The following TNKS2 variants were observed in gnomAD, a reference collection of about 807,000 sequenced individuals.
The protein encoded by TNKS2 is tankyrase 2, also known as poly [ADP-ribose] polymerase tankyrase-2.
Under a neutral mutation model 137.6 loss-of-function variants are expected in TNKS2, and 72 were observed. That is an observed-to-expected ratio of 0.52 (90% confidence interval 0.43 to 0.64). The LOEUF (loss-of-function observed/expected upper bound fraction) is 0.64, where lower values mean the gene tolerates loss of function less well. TNKS2 is among the 30% of genes least tolerant of loss of function. The pLI, the probability that TNKS2 is intolerant of heterozygous loss-of-function variation, is 0.00. For missense variants in TNKS2, 1,049 were observed against 1,410.2 expected (o/e 0.74, Z 4.10); for synonymous variants, 516 against 512.1 (o/e 1.01, Z -0.10).
At chr10:91,834,748 A>G (rs987013523) in intron 12 of TNKS2, among the ~76,000 whole-genome samples, 2 of 152,208 alleles carry the variant, frequency 1.3e-5, no homozygotes, top group African/African-American at 2.4e-5. Context: ...GTGAACTTAC[A>G]AGACTGTTTT....
Position 91,857,542 on chromosome 10 carries a change from C to T in TNKS2, c.3094+12C>T, listed in dbSNP as rs1245288940. On this transcript the variant is annotated intron_variant, in intron 24 of 26. Coordinates refer to ENST00000371627, the MANE Select transcript of TNKS2 (RefSeq NM_025235.4). ...AATGCTATTTCATGGTAAGATTCCTCCCCACCAACTCTACCACTGTCTTCC... is the reference window on the plus strand; with the variant it reads ...AATGCTATTTCATGGTAAGATTCCTTCCCACCAACTCTACCACTGTCTTCC... The T allele has an allele frequency of 6.4e-7, 1 of 1,573,316 alleles. No homozygotes were observed. Among genetic ancestry groups the T allele is most frequent in the South Asian group, 1.1e-5 (1 of 89,258 alleles).
Position 91,861,890 on chromosome 10 carries a change from T to A in TNKS2, c.3282-109T>A, listed in dbSNP as rs985906539. The A allele has an allele frequency of 1.7e-5, 16 of 929,276 alleles. No homozygotes were observed. The Admixed American group carries it at 1.9e-4, about 11-fold the overall frequency. 57.6% of individuals were successfully genotyped at this position (929,276 alleles called of 1,614,324 possible). A position where few individuals can be genotyped will look rare whatever the true frequency, so the allele number is the denominator to read the frequency against. On this transcript the variant is annotated intron_variant, in intron 25 of 26. Transcript: ENST00000371627. ...AGGGGTGAAATGATAAAAACAATTATAAGTATTTATGTATAAATAATTTTT... is the reference window on the plus strand; with the variant it reads ...AGGGGTGAAATGATAAAAACAATTAAAAGTATTTATGTATAAATAATTTTT...
intron 22 of TNKS2, 86 bp downstream of exon 22, chr10:91,855,212 T>A: frequency 1.2e-6 from 1 of 848,688 alleles, no homozygotes; most frequent in Non-Finnish European, 1.9e-6. Flanking sequence ...TCCTTTAGTT[T>A]GCATTATATA....
chr10:91,848,840 A>G lies in TNKS2; in HGVS notation c.2611+205A>G. 2.0e-5 allele frequency among the ~76,000 whole-genome samples: 3 copies of G among 151,908 alleles called. No individual in the cohort carries two copies. The Middle Eastern group carries it at 0.01, about 517-fold the overall frequency. ...GTCTTGTGCTACTAACCTACTATTT[A>G]TTTATTTATTTTTGAGATGGAGTTC... On this transcript the variant is annotated intron_variant, in intron 19 of 26. Transcript: ENST00000371627.
chr10:91,837,898 G>A (rs955488364), intron 13 of TNKS2, among the ~76,000 whole-genome samples: 3 of 152,054 alleles, frequency 2.0e-5, no homozygotes, highest in African/African-American at 7.2e-5. Flanking sequence ...CCTTAAGTAG[G>A]AGGCTAATAG....
chr10:91,812,902 CA>C, intron 1 of TNKS2, 80 bp from the exon 2 acceptor site: 1 of 1,519,562 alleles, frequency 6.6e-7, no homozygotes. Flanking sequence ...CAACCTGAAA[CA>C]TTTTAGTATG....
chr10:91,855,474 A>G (rs1842679409), intron 22 of TNKS2, 140 bp from the exon 23 acceptor site: 1 of 752,832 alleles, frequency 1.3e-6, no homozygotes, highest in South Asian at 2.0e-5. Flanking sequence ...CCCAGCCCTC[A>G]TATTCTTTGA....
intron 8 of TNKS2, among the ~76,000 whole-genome samples, chr10:91,827,616 G>A (rs1451683080): frequency 1.3e-5 from 2 of 152,158 alleles, no homozygotes; most frequent in Non-Finnish European, 2.9e-5. Context: ...TGGCACCTGG[G>A]CCAAGTTCGG....
In TNKS2 at chr10:91,833,933, C is replaced by T; in HGVS notation, c.1356C>T (p.Leu452=). 6.2e-7 allele frequency: 1 copy of T among 1,613,996 alleles called. No individual in the cohort carries two copies. Among genetic ancestry groups the T allele is most frequent in the Non-Finnish European group, 8.5e-7 (1 of 1,179,908 alleles). ...YCGHLQTCRL[L]LSYGCDPNII... ...GTCATCTACAAACCTGCCGCCTACT[C>T]CTGAGCTATGGGTGTGATCCTAACA... Residue 452 remains leucine (L), a synonymous_variant, in exon 12 of 27, where the codon CTC becomes CTT. Transcript: ENST00000371627.
chr10:91,823,673 A>G (rs1410845186), intron 7 of TNKS2, among the ~76,000 whole-genome samples: 2 of 151,804 alleles, frequency 1.3e-5, no homozygotes, highest in Non-Finnish European at 2.9e-5. Context: ...TAGAAGATAT[A>G]TATTATCTTT....
At chr10:91,860,304 C>A (rs1169706191) in intron 25 of TNKS2, among the ~76,000 whole-genome samples, 1 of 152,042 alleles carries the variant, frequency 6.6e-6, no homozygotes, top group South Asian at 2.1e-4. Context: ...GAGATTTATT[C>A]GACAGTTAGG....
Position 91,842,295 on chromosome 10 carries a change from A to G in TNKS2, c.1963A>G (p.Lys655Glu). ...TGCAGCTTTGCTAGATGCTGCCAAG[A>G]AGGGTTGTTTAGCCAGAGTGAAGAA... is the stretch of plus-strand genomic sequence containing the variant. ...GDAALLDAAK[K>E]GCLARVKKLS... Residue 655 changes from lysine (K) to glutamate (E), a missense_variant, in exon 16 of 27, where the codon AAG becomes GAG. Transcript: ENST00000371627. 2 of 1,614,156 alleles carry G rather than the reference A, an allele frequency of 1.2e-6. No homozygotes were observed. Among genetic ancestry groups the G allele is most frequent in the Non-Finnish European group, 1.7e-6 (2 of 1,180,000 alleles).
Position 91,845,955 on chromosome 10 carries a change from T to C in TNKS2, c.2358+15T>C. 6.7e-7 allele frequency: 1 copy of C among 1,502,744 alleles called. No individual in the cohort carries two copies. The highest frequency in any genetic ancestry group is 9.0e-7 in the Non-Finnish European group (1 of 1,111,338). 93.1% of individuals were successfully genotyped at this position (1,502,744 alleles called of 1,614,324 possible). A position where few individuals can be genotyped will look rare whatever the true frequency, so the allele number is the denominator to read the frequency against. Reference sequence around the variant, plus strand: ...ATTTAGTTTCAGTAAGTGATGGGCTTTTTGAAAAATCTCAGTGCTTTTCTG... The same window carrying C: ...ATTTAGTTTCAGTAAGTGATGGGCTCTTTGAAAAATCTCAGTGCTTTTCTG... On this transcript the variant is annotated intron_variant, in intron 18 of 26. Coordinates refer to ENST00000371627, the MANE Select transcript of TNKS2 (RefSeq NM_025235.4).
chr10:91,824,331 G>T (rs1037271131), intron 7 of TNKS2, among the ~76,000 whole-genome samples: 1 of 152,150 alleles, frequency 6.6e-6, no homozygotes, highest in Non-Finnish European at 1.5e-5. Context: ...CATGACCAGG[G>T]CATTTGCTAG....
chr10:91,818,473 A>G (rs942866616), intron 3 of TNKS2, among the ~76,000 whole-genome samples: 4 of 152,102 alleles, frequency 2.6e-5, no homozygotes, highest in Admixed American at 2.0e-4. Flanking sequence ...TGTCATTTCT[A>G]TAATGTTGGT....
chr10:91,825,529 A>G (rs1389829152), intron 7 of TNKS2, among the ~76,000 whole-genome samples: 1 of 152,230 alleles, frequency 6.6e-6, no homozygotes, highest in Non-Finnish European at 1.5e-5. Context: ...CCAAAGGCAA[A>G]TAGATGAAAG....
intron 13 of TNKS2, among the ~76,000 whole-genome samples, chr10:91,837,670 G>A (rs976096474): frequency 2.6e-5 from 4 of 152,164 alleles, no homozygotes; most frequent in African/African-American, 9.7e-5. Context: ...GACCAGCCTG[G>A]CCAACATGGC....
chr10:91,813,426 G>C (rs1564606237), intron 2 of TNKS2, among the ~76,000 whole-genome samples: 1 of 152,108 alleles, frequency 6.6e-6, no homozygotes, highest in East Asian at 1.9e-4. Context: ...TATTATACTT[G>C]CATTCTCTTG....
In TNKS2 at chr10:91,813,130, A is replaced by C. The variant is rs1359794236; in HGVS notation, c.347A>C (p.Asp116Ala). ...AATCTCCTTTTGCGACATGGTGCAG[A>C]CCCCAATGCTCGAGATAATTGGAAT... is the stretch of plus-strand genomic sequence containing the variant. Reference protein sequence around the residue: ...VVNLLLRHGADPNARDNWNYT... With the variant: ...VVNLLLRHGAAPNARDNWNYT... The change falls in exon 2 of 27, where the codon GAC (aspartate) becomes GCC (alanine). Residue 116 changes from aspartate (D) to alanine (A), a missense_variant. Physicochemically the swap from Asp to Ala is moderately radical, Grantham distance 126. Around this residue, in one of 6 missense-constraint regions of TNKS2, gnomAD observed 374 missense variants for 460.8 expected, o/e 0.81. Transcript: ENST00000371627. The C allele has an allele frequency of 4.3e-6, 7 of 1,614,078 alleles. No homozygotes were observed. Among genetic ancestry groups the C allele is most frequent in the Non-Finnish European group, 5.9e-6 (7 of 1,180,016 alleles).
Sources: allele counts gnomAD v4.1 joint callset (sites outside exome capture counted in the v4.1 genomes callset), GRCh38; gene constraint gnomAD v4.1.1; regional missense constraint gnomAD v4.1.1; transcripts MANE v1.5; gene names NCBI Gene and HGNC (gene_info 2026-07-23, HGNC 2026-07-21).